The following SPATA16 variants were observed in gnomAD, a reference collection of about 807,000 sequenced individuals.
The protein encoded by SPATA16 is spermatogenesis-associated protein 16.
In SPATA16, 36 loss-of-function variants were observed where a neutral mutation model predicts 63.3. The ratio of observed to expected loss-of-function variants is 0.57; its 90% CI spans 0.44 to 0.75. The LOEUF is 0.75. Among genes scored for constraint, SPATA16 ranks in the 30% least tolerant of loss-of-function variants. The pLI, the probability that SPATA16 is intolerant of heterozygous loss-of-function variation, is 0.00. For missense variants in SPATA16, 646 were observed against 679.3 expected (o/e 0.95, Z 0.54); for synonymous variants, 203 against 216.7 (o/e 0.94, Z 0.56).
chr3:172,925,255 G>T, intron 7 of SPATA16, 91 bp downstream of exon 7: 1 of 1,394,762 alleles, frequency 7.2e-7, no homozygotes. Context: ...AAGAAGATTA[G>T]AAGGAGTTAA....
chr3:173,094,043 CT>C (rs11351279), intron 2 of SPATA16, among the ~76,000 whole-genome samples: 15,002 of 144,104 alleles, frequency 0.1, 874 homozygotes, highest in East Asian at 0.24. Context: ...ATTCCTTTTT[CT>C]TTTTTTTTTT....
chr3:173,064,320 C>CAAAAAAAAA (rs59773490), intron 2 of SPATA16, among the ~76,000 whole-genome samples: 827 of 56,958 alleles, frequency 0.015, 5 homozygotes, highest in Middle Eastern at 0.081. Flanking sequence ...ACACGCACAC[C>CAAAAAAAAA]AAAAAAAAAA....
chr3:173,044,500 A>G (rs147622905), intron 3 of SPATA16, among the ~76,000 whole-genome samples: 1 of 152,218 alleles, frequency 6.6e-6, no homozygotes, highest in East Asian at 1.9e-4. Flanking sequence ...ACTCATTACA[A>G]CTATTTTTAC....
At chr3:172,978,895 T>C (rs1250468941) in intron 4 of SPATA16, among the ~76,000 whole-genome samples, 1 of 152,072 alleles carries the variant, frequency 6.6e-6, no homozygotes, top group Non-Finnish European at 1.5e-5. Context: ...AATAAGAAAA[T>C]TAGTAGGTTG....
intron 3 of SPATA16, among the ~76,000 whole-genome samples, chr3:173,030,541 C>A (rs961078180): frequency 6.6e-5 from 10 of 152,048 alleles, no homozygotes; most frequent in African/African-American, 2.4e-4. Flanking sequence ...CATCTCACAC[C>A]CATTAGAATA....
intron 5 of SPATA16, among the ~76,000 whole-genome samples, chr3:172,959,787 CATATATAT>C (rs66806016): frequency 0.06 from 8,188 of 135,432 alleles, 510 homozygotes; most frequent in African/African-American, 0.16. Context: ...AGTAATATAA[CATATATAT>C]ATATATATAT....
At chr3:173,040,135 T>C (rs1376886238) in intron 3 of SPATA16, among the ~76,000 whole-genome samples, 1 of 152,134 alleles carries the variant, frequency 6.6e-6, no homozygotes, top group Non-Finnish European at 1.5e-5. Context: ...CCTTTACTTC[T>C]TTAGTAAAGA....
chr3:173,110,449 A>G (rs965458159), intron 2 of SPATA16, among the ~76,000 whole-genome samples: 2 of 152,208 alleles, frequency 1.3e-5, no homozygotes, highest in African/African-American at 4.8e-5. Flanking sequence ...TTAATCAAAG[A>G]GTTTGGGCTA....
intron 2 of SPATA16, among the ~76,000 whole-genome samples, chr3:173,115,887 AT>A (rs146705254): frequency 0.076 from 9,733 of 127,334 alleles, 481 homozygotes; most frequent in African/African-American, 0.15. Flanking sequence ...TCTTGTGGGC[AT>A]TTTTTTTTTC....
At chr3:173,034,528 T>C (rs1004533002) in intron 3 of SPATA16, among the ~76,000 whole-genome samples, 1 of 152,144 alleles carries the variant, frequency 6.6e-6, no homozygotes, top group African/African-American at 2.4e-5. Flanking sequence ...TTTTACCTAC[T>C]TAAGCCCTTT....
chr3:172,916,594 A>T, intron 8 of SPATA16, 113 bp from the exon 9 acceptor site: 1 of 1,150,986 alleles, frequency 8.7e-7, no homozygotes, highest in Non-Finnish European at 1.3e-6. Context: ...AAATAACGGA[A>T]TCTAGTACAA....
intron 2 of SPATA16, among the ~76,000 whole-genome samples, chr3:173,055,184 A>G (rs1408394567): frequency 6.6e-6 from 1 of 152,210 alleles, no homozygotes; most frequent in African/African-American, 2.4e-5. Context: ...ATGTTGAGAA[A>G]ATGGATTGCT....
At chr3:172,919,621 CA>C (rs1313579599) in intron 8 of SPATA16, among the ~76,000 whole-genome samples, 1 of 151,984 alleles carries the variant, frequency 6.6e-6, no homozygotes, top group African/African-American at 2.4e-5. Context: ...AAGCTTTTTA[CA>C]GTTAATTTTT....
At chr3:172,926,228 A>G (rs866868178) in intron 6 of SPATA16, among the ~76,000 whole-genome samples, 4 of 152,188 alleles carry the variant, frequency 2.6e-5, no homozygotes, top group Non-Finnish European at 5.9e-5. Context: ...ATATAAAGCT[A>G]ATTAATTTAG....
intron 5 of SPATA16, among the ~76,000 whole-genome samples, chr3:172,960,971 CT>C (rs573227545): frequency 1.7e-4 from 23 of 134,326 alleles, no homozygotes; most frequent in African/African-American, 6.5e-4. Flanking sequence ...CTCTCTCTTT[CT>C]TTTTCTCTTT....
intron 3 of SPATA16, among the ~76,000 whole-genome samples, chr3:173,029,406 G>GTTTTTTTTTTT (rs57233262): frequency 1.5e-4 from 21 of 139,834 alleles, no homozygotes; most frequent in African/African-American, 5.2e-4. Flanking sequence ...AGTAATCAGA[G>GTTTTTTTTTTT]TTTTTTTTTT....
At chr3:172,954,257 A>G (rs1382316009) in intron 6 of SPATA16, among the ~76,000 whole-genome samples, 1 of 152,184 alleles carries the variant, frequency 6.6e-6, no homozygotes, top group Admixed American at 6.5e-5. Context: ...CACGCCTTAC[A>G]TGGCAGCAGG....
intron 5 of SPATA16, among the ~76,000 whole-genome samples, chr3:172,974,290 T>G (rs1341950919): frequency 1.3e-5 from 2 of 152,132 alleles, no homozygotes; most frequent in Admixed American, 6.6e-5. Flanking sequence ...ATATACAGTA[T>G]AGTAACTTCT....
intron 7 of SPATA16, 36 bp from the exon 8 acceptor site, chr3:172,924,353 C>A: frequency 1.4e-6 from 2 of 1,474,044 alleles, no homozygotes; most frequent in Non-Finnish European, 1.9e-6. Context: ...ATACTATTTT[C>A]TCCAGACTTC....
Sources: gnomAD v4.1 joint callset for allele counts (sites outside exome capture counted in the v4.1 genomes callset) on GRCh38, gnomAD v4.1.1 for gene constraint, MANE v1.5 for transcripts, NCBI Gene and HGNC (gene_info 2026-07-23, HGNC 2026-07-21) for gene names.